PWWP2A: variants seen among roughly 807,000 people sequenced by gnomAD.
PWWP2A encodes the protein PWWP domain-containing protein 2A.
In PWWP2A, 18 loss-of-function variants were observed where a neutral mutation model predicts 48.5. The observed-to-expected ratio is 0.37, with a 90% confidence interval of 0.26 to 0.55. The LOEUF (loss-of-function observed/expected upper bound fraction) is 0.55, where lower values mean the gene tolerates loss of function less well. Among genes scored for constraint, PWWP2A ranks in the 20% least tolerant of loss-of-function variants. The pLI is 0.81. For missense variants in PWWP2A, 867 were observed against 976.4 expected, an observed-to-expected ratio of 0.89 and a Z score of 1.49; for synonymous variants, 396 against 387.7, an observed-to-expected ratio of 1.02 and a Z score of -0.25.
the PWWP2A span, among the ~76,000 whole-genome samples, chr5:160,045,516 A>T: frequency 1.9e-3 from 53 of 27,866 alleles, no homozygotes; most frequent in Admixed American, 5.0e-3. Context: ...ACACACACAT[A>T]CACACTCTCT....
chr5:160,113,141 G>T, intron 1 of PWWP2A: 1 of 780,000 alleles, frequency 1.3e-6, no homozygotes, highest in South Asian at 5.9e-5. Context: ...CTGGGTGACA[G>T]AAGCAAGACT....
chr5:160,048,557 T>G, the PWWP2A span, among the ~76,000 whole-genome samples: 1 of 152,192 alleles, frequency 6.6e-6, no homozygotes, highest in East Asian at 1.9e-4. Context: ...GGGCAGCTGA[T>G]GCTGGATAAA....
chr5:160,097,706 T>G (rs75433133), intron 1 of PWWP2A, among the ~76,000 whole-genome samples: 1,302 of 107,940 alleles, frequency 0.012, 23 homozygotes, highest in African/African-American at 0.029. Flanking sequence ...GTTTTTTTTT[T>G]GGGGGGGGGG....
rs115577968 is a variant in PWWP2A at position 160,083,433 on chromosome 5, T to C, written c.1550-2663A>G. Reference sequence around the variant, plus strand: ...AAAGAGGAGACAATCTACTCAATCATACGAGCAGCAATAAAAACGAAAATG... The same window carrying C: ...AAAGAGGAGACAATCTACTCAATCACACGAGCAGCAATAAAAACGAAAATG... On this transcript the variant is annotated intron_variant, in intron 2 of 3. Coordinates refer to the PWWP2A transcript ENST00000456329. 9.4e-3 allele frequency among the ~76,000 whole-genome samples: 1,437 copies of C among 152,292 alleles called. 16 individuals carry two copies. The highest frequency in any genetic ancestry group is 0.032 in the African/African-American group (1,344 of 41,542).
chr5:160,087,633 GAAC>G (rs1189626541), downstream of PWWP2A, among the ~76,000 whole-genome samples: 4 of 152,272 alleles, frequency 2.6e-5, no homozygotes, highest in South Asian at 4.1e-4. Flanking sequence ...GGTGATGGTT[GAAC>G]AACACTGTGA....
At chr5:160,089,942 C>T (rs2113513217), downstream of PWWP2A, 2 of 985,100 alleles carry the variant, frequency 2.0e-6, no homozygotes, top group Middle Eastern at 5.2e-4. Context: ...TAAGACATTT[C>T]CATTGGAATA....
chr5:160,114,879 G>A (rs187022245), intron 1 of PWWP2A, among the ~76,000 whole-genome samples: 339 of 151,534 alleles, frequency 2.2e-3, no homozygotes, highest in African/African-American at 7.5e-3. Flanking sequence ...AGTGGCTCAC[G>A]CCTATAATCC....
chr5:160,067,545 G>C (rs17057399), intron 2 of PWWP2A, among the ~76,000 whole-genome samples: 1 of 152,042 alleles, frequency 6.6e-6, no homozygotes, highest in Non-Finnish European at 1.5e-5. Context: ...CCATTGCCAC[G>C]AGTGTAGAGG....
Position 160,092,593 on chromosome 5 carries a change from A to G in PWWP2A, c.2057T>C (p.Leu686Ser). The G allele has an allele frequency of 6.4e-7, 1 of 1,551,692 alleles. No homozygotes were observed. Among genetic ancestry groups the G allele is most frequent in the Non-Finnish European group, 8.7e-7 (1 of 1,146,978 alleles). Residue 686 changes from leucine to serine, a missense_variant, in exon 2 of 2, where the codon TTA becomes TCA. Coordinates refer to ENST00000307063, the MANE Select transcript of PWWP2A (RefSeq NM_001130864.2). ...ITVSRKDNGL[L>S]VRQEARISWF... ...TGAAATACGGGCCTCCTGTCGGACT[A>G]AAAGGCCGTTATCTTTCCGGCTCAC...
At chr5:160,114,623 C>T (rs761595743) in intron 1 of PWWP2A, among the ~76,000 whole-genome samples, 8 of 151,684 alleles carry the variant, frequency 5.3e-5, no homozygotes, top group African/African-American at 9.7e-5. Context: ...ATTTGCCCAG[C>T]GTGGTGGAGC....
Position 160,091,434 on chromosome 5 carries a change from G to A in PWWP2A, c.*948C>T, listed in dbSNP as rs1581191460. ...ACACAATTACATTTTCTCATTTTCTGACCTGCAAACAGATACCTTAAACGG... is the reference window on the plus strand; with the variant it reads ...ACACAATTACATTTTCTCATTTTCTAACCTGCAAACAGATACCTTAAACGG... On this transcript the variant is annotated 3_prime_UTR_variant, in exon 2 of 2. Transcript: ENST00000307063. 8.6e-6 allele frequency: 8 copies of A among 932,760 alleles called. No individual in the cohort carries two copies. Among genetic ancestry groups the A allele is most frequent in the South Asian group, 5.0e-5 (1 of 19,884 alleles). 57.8% of individuals were successfully genotyped at this position (932,760 alleles called of 1,614,324 possible).
chr5:160,099,815 G>C (rs1430728264), intron 1 of PWWP2A, among the ~76,000 whole-genome samples: 3 of 151,752 alleles, frequency 2.0e-5, no homozygotes, highest in African/African-American at 7.3e-5. Flanking sequence ...GTGGGTGTGT[G>C]CCACCACGCC....
chr5:160,118,185 T>TA (rs2113700301), intron 1 of PWWP2A, among the ~76,000 whole-genome samples: 1 of 152,340 alleles, frequency 6.6e-6, no homozygotes, highest in African/African-American at 2.4e-5. Context: ...AAACTTTTCT[T>TA]AAACTATCAT....
At chr5:160,104,326 G>A (rs1228609611) in intron 1 of PWWP2A, among the ~76,000 whole-genome samples, 3 of 151,778 alleles carry the variant, frequency 2.0e-5, no homozygotes, top group Non-Finnish European at 1.5e-5. Flanking sequence ...AGCTACTTGG[G>A]AGGCTGAGGT....
At chr5:160,117,223 G>A (rs947813858) in intron 1 of PWWP2A, among the ~76,000 whole-genome samples, 1 of 152,234 alleles carries the variant, frequency 6.6e-6, no homozygotes, top group Non-Finnish European at 1.5e-5. Flanking sequence ...ACTTTGGAAG[G>A]CCAAGGCAGT....
At chr5:160,089,816 G>C (rs1754926359), downstream of PWWP2A, 1 of 985,356 alleles carries the variant, frequency 1.0e-6, no homozygotes, top group East Asian at 1.1e-4. Context: ...ACCCACTTCT[G>C]TTATCTCCAT....
In PWWP2A at chr5:160,093,488, C is replaced by T; in HGVS notation, c.1162G>A (p.Val388Ile). The T allele has an allele frequency of 6.2e-7, 1 of 1,613,954 alleles. No individual in the cohort carries two copies. Among genetic ancestry groups the T allele is most frequent in the Non-Finnish European group, 8.5e-7 (1 of 1,179,880 alleles). ...CCTCTGCTGTGAGCAATATTTGAAA[C>T]CTTAACCACAGCATTTCTTTTCTGG... ...ESQKRNAVVK[V>I]SNIAHSRGRV... The change falls in exon 2 of 2, where the codon GTT becomes ATT. Residue 388 changes from valine (V) to isoleucine (I), a missense_variant. By Grantham distance (29) the Val-to-Ile change is conservative. Transcript: ENST00000307063. The surrounding 1 kb of genome is among the most constrained non-coding windows in gnomAD (Gnocchi z 5.8).
intron 2 of PWWP2A, among the ~76,000 whole-genome samples, chr5:160,069,597 C>G (rs572015955): frequency 1.3e-3 from 197 of 152,304 alleles, no homozygotes; most frequent in Non-Finnish European, 1.2e-3. Context: ...CACAGTGGCT[C>G]AAGCCTGTGT....
Position 160,077,913 on chromosome 5 carries a change from AT to A in PWWP2A, c.*241del. 1 of 466,900 alleles carries A rather than the reference AT, an allele frequency of 2.1e-6. No individual in the cohort carries two copies. The highest frequency in any genetic ancestry group is 3.4e-5 in the East Asian group (1 of 29,672). The allele number at this position is 466,900 out of a possible 1,614,324, so 28.9% of individuals were successfully genotyped here. On this transcript the variant is annotated 3_prime_UTR_variant, in exon 4 of 4. Transcript: ENST00000456329. The surrounding 1 kb of genome is among the most constrained non-coding windows in gnomAD (Gnocchi z 4.2). ...AGTTCTTACGTGTGTAATTCACATC[AT>A]TTTTCTCCTCATCTCATGCATAATT...
Sources: allele counts gnomAD v4.1 joint callset (sites outside exome capture counted in the v4.1 genomes callset), GRCh38; gene constraint gnomAD v4.1.1; non-coding constraint Gnocchi (gnomAD v3.1); transcripts MANE v1.5; gene names NCBI Gene and HGNC (gene_info 2026-07-23, HGNC 2026-07-21).